The following SLC45A3 variants were observed in gnomAD, a reference collection of about 807,000 sequenced individuals.
The protein encoded by SLC45A3 is solute carrier family 45 member 3.
Under a neutral mutation model 35.3 loss-of-function variants are expected in SLC45A3, and 17 were observed. That is an observed-to-expected ratio of 0.48 (90% CI 0.33 to 0.72). The LOEUF (loss-of-function observed/expected upper bound fraction) is 0.72, where lower values mean the gene tolerates loss of function less well. Ranked by LOEUF, SLC45A3 falls within the 30% of genes least tolerant of loss-of-function variation. The probability of loss-of-function intolerance (pLI) is 0.02; values close to 1 mark genes in which losing one functional copy is unlikely to be tolerated. For synonymous variants in SLC45A3, 288 were observed against 334.3 expected (o/e 0.86, Z 1.51); for missense variants, 597 against 731.7 (o/e 0.82, Z 2.12).
intron 2 of SLC45A3, 79 bp from the exon 3 acceptor site, chr1:205,663,697 A>C (rs1671069851): frequency 7.2e-7 from 1 of 1,390,406 alleles, no homozygotes; most frequent in East Asian, 2.3e-5. Flanking sequence ...CTCCGTGAGA[A>C]GGATGGAAAT....
intron 4 of SLC45A3, among the ~76,000 whole-genome samples, chr1:205,660,378 C>T (rs1432696277): frequency 1.3e-5 from 2 of 152,158 alleles, no homozygotes; most frequent in Non-Finnish European, 2.9e-5. Context: ...CACCATCCCC[C>T]CAACCCCTGC....
In SLC45A3 at chr1:205,662,103, G is replaced by C; in HGVS notation, c.982C>G (p.Leu328Val). Residue 328 changes from leucine to valine, a missense_variant, in exon 4 of 5, where the codon CTG (leucine) becomes GTG (valine). Physicochemically the swap from Leu to Val is conservative, Grantham distance 32. Coordinates refer to ENST00000367145, the MANE Select transcript of SLC45A3 (RefSeq NM_033102.3). This position sits in a 1 kb window ranked among gnomAD's most constrained non-coding sequence, Gnocchi z 6.2. ...AGGGAGATGGCGCACTGCAGGAACA[G>C]CCCCAGGCTGCCCATCCGAACGCCT... ...DEGVRMGSLG[L>V]FLQCAISLVF... is the part of the protein sequence containing the mutation. The C allele has an allele frequency of 6.2e-7, 1 of 1,613,454 alleles. No individual in the cohort carries two copies. The highest frequency in any genetic ancestry group is 8.5e-7 in the Non-Finnish European group (1 of 1,179,578).
At position 205,666,358 on chromosome 1, in the gene SLC45A3, A is replaced by G. The variant is rs769636828; in HGVS notation, c.-230-1472T>C. 3.3e-5 allele frequency among the ~76,000 whole-genome samples: 5 copies of G among 152,132 alleles called. No homozygotes were observed. Among genetic ancestry groups the G allele is most frequent in the Non-Finnish European group, 5.9e-5 (4 of 68,030 alleles). On this transcript the variant is annotated intron_variant, in intron 1 of 4. Transcript: ENST00000367145. This position sits in a 1 kb window ranked among gnomAD's most constrained non-coding sequence, Gnocchi z 4.1. ...CCCCCTCTCTACAAAAAATTTAAAA[A>G]TTATCCAGGCGTGGTAGTATGCACC... is the stretch of plus-strand genomic sequence containing the variant.
intron 1 of SLC45A3, among the ~76,000 whole-genome samples, chr1:205,667,375 C>T (rs375016440): frequency 5.4e-4 from 82 of 152,210 alleles, no homozygotes; most frequent in African/African-American, 1.6e-3. Flanking sequence ...GGCATGGTGG[C>T]GTGCGCCTAC....
intron 1 of SLC45A3, among the ~76,000 whole-genome samples, chr1:205,673,820 T>A (rs942190319): frequency 6.6e-6 from 1 of 152,062 alleles, no homozygotes; most frequent in Non-Finnish European, 1.5e-5. Flanking sequence ...TCAAAGAAAC[T>A]CATTTTCTGA....
rs1408192165 is a variant in SLC45A3, at chr1:205,658,795, A to G, written c.*439T>C. 2 of 246,886 alleles carry G rather than the reference A, an allele frequency of 8.1e-6. No homozygotes were observed. Among genetic ancestry groups the G allele is most frequent in the African/African-American group, 4.4e-5 (2 of 45,562 alleles). The allele number at this position is 246,886 out of a possible 1,614,324, so 15.3% of individuals were successfully genotyped here. A position where few individuals can be genotyped will look rare whatever the true frequency, so the allele number is the denominator to read the frequency against. The stretch of plus-strand genomic sequence containing the variant: ...TCCTAGAAACTCCCATGCAAGAGCT[A>G]CATTAAACGAAGCTGCAGGTTAAGG... On this transcript the variant is annotated 3_prime_UTR_variant, in exon 5 of 5. Coordinates refer to ENST00000367145, the MANE Select transcript of SLC45A3 (RefSeq NM_033102.3).
rs1334472578 is a variant in SLC45A3, at chr1:205,657,873, A to G, written c.*1361T>C. 1.0e-5 allele frequency: 2 copies of G among 198,318 alleles called. No individual in the cohort carries two copies. The highest frequency in any genetic ancestry group is 4.6e-5 in the African/African-American group (2 of 43,322). The allele number at this position is 198,318 out of a possible 1,614,324, so 12.3% of individuals were successfully genotyped here. A position where few individuals can be genotyped will look rare whatever the true frequency, so the allele number is the denominator to read the frequency against. On this transcript the variant is annotated 3_prime_UTR_variant, in exon 5 of 5. Transcript: ENST00000367145. Reference sequence around the variant, plus strand: ...CAATAAACATATAAGAAAGCCTTTAATTTTGTCACCATAAACATTATACTC... The same window carrying G: ...CAATAAACATATAAGAAAGCCTTTAGTTTTGTCACCATAAACATTATACTC...
At position 205,663,489 on chromosome 1, in the gene SLC45A3, AAG is replaced by A; in HGVS notation, c.300_301del (p.Phe101SerfsTer48). 1 of 1,613,142 alleles carries A rather than the reference AAG, an allele frequency of 6.2e-7. No individual in the cohort carries two copies. Among genetic ancestry groups the A allele is most frequent in the Non-Finnish European group, 8.5e-7 (1 of 1,179,938 alleles). On this transcript the variant is annotated frameshift_variant, in exon 3 of 5. Transcript: ENST00000367145. LOFTEE classifies it high-confidence loss of function. ...TAGCCAGCCGGCCCTTGGGATGAGA[AAG>A]AGGCTCAGCAGGATGCCCAAGGACA...
At position 205,662,440 on chromosome 1, in the gene SLC45A3, C is replaced by T; in HGVS notation, c.959-314G>A. ...ACAGCTGGCCATAGGCTTCAAGACG[C>T]TTCTAGGACGCCTGAGCTGGAAGGC... On this transcript the variant is annotated intron_variant, in intron 3 of 4. Transcript: ENST00000367145. This position sits in a 1 kb window ranked among gnomAD's most constrained non-coding sequence, Gnocchi z 6.2. 3 of 1,319,554 alleles carry T rather than the reference C, an allele frequency of 2.3e-6. No homozygotes were observed. In the South Asian group the frequency reaches 6.5e-5, roughly 29 times the overall value. The allele number at this position is 1,319,554 out of a possible 1,614,324, so 81.7% of individuals were successfully genotyped here. A position where few individuals can be genotyped will look rare whatever the true frequency, so the allele number is the denominator to read the frequency against.
chr1:205,676,070 G>A (rs1305879200), intron 1 of SLC45A3, among the ~76,000 whole-genome samples: 1 of 152,182 alleles, frequency 6.6e-6, no homozygotes, highest in East Asian at 1.9e-4. Context: ...GACTTTACCA[G>A]TGTGCCTGGG....
intron 4 of SLC45A3, among the ~76,000 whole-genome samples, chr1:205,661,400 C>T (rs1229556759): frequency 6.6e-5 from 10 of 152,112 alleles, no homozygotes; most frequent in Non-Finnish European, 1.3e-4. Flanking sequence ...AAGGAGCCTG[C>T]CCCATCTCAG....
chr1:205,660,235 G>A (rs1670995375), intron 4 of SLC45A3, among the ~76,000 whole-genome samples: 2 of 152,120 alleles, frequency 1.3e-5, no homozygotes, highest in Admixed American at 6.5e-5. Context: ...CAGCCTTGGG[G>A]CAGGGAGAAT....
At chr1:205,675,438 GC>G (rs1012944857) in intron 1 of SLC45A3, among the ~76,000 whole-genome samples, 8 of 152,120 alleles carry the variant, frequency 5.3e-5, no homozygotes, top group African/African-American at 1.9e-4. Context: ...TGCCTCTGAG[GC>G]CTTCACTTTG....
At chr1:205,667,865 C>G (rs1372172229) in intron 1 of SLC45A3, among the ~76,000 whole-genome samples, 3 of 151,984 alleles carry the variant, frequency 2.0e-5, no homozygotes, top group African/African-American at 4.8e-5. Flanking sequence ...GAGAAGAGTG[C>G]CCCCCACCAT....
intron 1 of SLC45A3, among the ~76,000 whole-genome samples, chr1:205,677,628 A>C (rs902955767): frequency 1.3e-5 from 2 of 152,232 alleles, no homozygotes; most frequent in Non-Finnish European, 2.9e-5. Context: ...AAAGTCCAGG[A>C]GACCTTGCTA....
intron 1 of SLC45A3, among the ~76,000 whole-genome samples, chr1:205,672,215 C>T (rs55915134): frequency 3.3e-5 from 5 of 152,138 alleles, no homozygotes; most frequent in Admixed American, 1.3e-4. Flanking sequence ...CATTCCCCCC[C>T]CTCACCCACG....
At chr1:205,679,381 T>C (rs1290097655) in intron 1 of SLC45A3, among the ~76,000 whole-genome samples, 1 of 152,060 alleles carries the variant, frequency 6.6e-6, no homozygotes, top group Non-Finnish European at 1.5e-5. Flanking sequence ...AGATGGAGGC[T>C]GATTCAGAGG....
At chr1:205,674,160 T>A (rs1429112948) in intron 1 of SLC45A3, among the ~76,000 whole-genome samples, 1 of 149,692 alleles carries the variant, frequency 6.7e-6, no homozygotes, top group Non-Finnish European at 1.5e-5. Flanking sequence ...GGAATGGCCA[T>A]GTTGCTTAGC....
rs781310256 is a variant in SLC45A3 at position 205,658,941 on chromosome 1, C to T, written c.*293G>A. On this transcript the variant is annotated 3_prime_UTR_variant, in exon 5 of 5. Coordinates refer to ENST00000367145, the MANE Select transcript of SLC45A3 (RefSeq NM_033102.3). ...AGCCTGGGTAATCCACCTGCAGAGTCCCCGCATTCCAGTGCATGGAGCCCT... is the reference window on the plus strand; with the variant it reads ...AGCCTGGGTAATCCACCTGCAGAGTTCCCGCATTCCAGTGCATGGAGCCCT... 18 of 397,308 alleles carry T rather than the reference C, an allele frequency of 4.5e-5. No individual in the cohort carries two copies. The highest frequency in any genetic ancestry group is 2.1e-4 in the Admixed American group (5 of 23,828). The allele number at this position is 397,308 out of a possible 1,614,324, so 24.6% of individuals were successfully genotyped here. A position where few individuals can be genotyped will look rare whatever the true frequency, so the allele number is the denominator to read the frequency against.
Sources: allele counts gnomAD v4.1 joint callset (sites outside exome capture counted in the v4.1 genomes callset), GRCh38; gene constraint gnomAD v4.1.1; non-coding constraint Gnocchi (gnomAD v3.1); transcripts MANE v1.5; gene names NCBI Gene and HGNC (gene_info 2026-07-23, HGNC 2026-07-21).